Variants in ANKH observed in about 807,000 individuals in gnomAD.
ANKH encodes ANKH inorganic pyrophosphate transport regulator.
A neutral mutation model predicts 49.0 loss-of-function variants in ANKH; 15 were observed. The ratio of observed to expected loss-of-function variants is 0.31; its 90% confidence interval spans 0.20 to 0.47. The LOEUF is 0.47. ANKH is among the 20% of genes least tolerant of loss of function. The pLI is 1.00. For synonymous variants in ANKH, 273 were observed against 260.0 expected, an observed-to-expected ratio of 1.05 and a Z score of -0.48; for missense variants, 429 against 652.0, an observed-to-expected ratio of 0.66 and a Z score of 3.72.
chr5:14,808,226 C>T (rs1456535297), intron 1 of ANKH, among the ~76,000 whole-genome samples: 1 of 151,898 alleles, frequency 6.6e-6, no homozygotes, highest in Non-Finnish European at 1.5e-5. Context: ...AGCATATTTT[C>T]TTCCAGCATT....
At chr5:14,751,512 T>C (rs957071137) in intron 4 of ANKH, among the ~76,000 whole-genome samples, 43 of 152,218 alleles carry the variant, frequency 2.8e-4, no homozygotes, top group African/African-American at 9.9e-4. Context: ...AGGCATCTTT[T>C]TTAAGGTTAT....
At chr5:14,842,761 C>G (rs1741849674) in intron 1 of ANKH, among the ~76,000 whole-genome samples, 3 of 152,192 alleles carry the variant, frequency 2.0e-5, no homozygotes, top group Admixed American at 2.0e-4. Flanking sequence ...GAACGACACA[C>G]TGAAGTGTCT....
chr5:14,823,622 T>C (rs1264031825), intron 1 of ANKH, among the ~76,000 whole-genome samples: 1 of 152,174 alleles, frequency 6.6e-6, no homozygotes. Context: ...TGAGAAGTCA[T>C]TTCCACATTT....
intron 8 of ANKH, among the ~76,000 whole-genome samples, chr5:14,738,711 C>A (rs897231011): frequency 1.1e-4 from 16 of 151,554 alleles, no homozygotes; most frequent in Admixed American, 2.6e-4. Flanking sequence ...TCGACATCAG[C>A]CTGAGCAACA....
chr5:14,856,031 A>G (rs185001456), intron 1 of ANKH, among the ~76,000 whole-genome samples: 313 of 151,902 alleles, frequency 2.1e-3, no homozygotes, highest in Non-Finnish European at 3.6e-3. Context: ...AAGCATAAAA[A>G]CAGGCAGGGT....
chr5:14,784,221 C>T (rs1484133965), intron 1 of ANKH, among the ~76,000 whole-genome samples: 1 of 152,196 alleles, frequency 6.6e-6, no homozygotes, highest in Admixed American at 6.5e-5. Flanking sequence ...TATCTAACAA[C>T]ATAATAGGGT....
chr5:14,827,408 G>T (rs903891047), intron 1 of ANKH, among the ~76,000 whole-genome samples: 1 of 152,202 alleles, frequency 6.6e-6, no homozygotes, highest in African/African-American at 2.4e-5. Flanking sequence ...GCCAGCCCTA[G>T]AGTCCATATT....
At position 14,807,117 on chromosome 5, in the gene ANKH, T is replaced by C. The variant is rs572786211; in HGVS notation, c.97-37926A>G. Among the ~76,000 whole-genome samples the C allele has an allele frequency of 6.9e-4, 104 of 149,654 alleles. 2 individuals carry two copies. The South Asian group carries it at 0.01, about 15-fold the overall frequency. On this transcript the variant is annotated intron_variant, in intron 1 of 11. Coordinates refer to ENST00000284268, the MANE Select transcript of ANKH (RefSeq NM_054027.6). The stretch of plus-strand genomic sequence containing the variant: ...GTGTGGTCTGCCATGATATTTCTTT[T>C]TTTTTTTTTTTTTTTGAGGTAGGGC...
chr5:14,776,966 C>T (rs960820082), intron 1 of ANKH, among the ~76,000 whole-genome samples: 5 of 152,184 alleles, frequency 3.3e-5, no homozygotes, highest in Non-Finnish European at 7.3e-5. Context: ...GGGCACTTAG[C>T]GATGTGGAAT....
At chr5:14,739,229 C>T (rs891756901) in intron 8 of ANKH, among the ~76,000 whole-genome samples, 2 of 152,190 alleles carry the variant, frequency 1.3e-5, no homozygotes, top group Admixed American at 6.5e-5. Context: ...CCAGCCTGGC[C>T]GATATAGTGA....
At chr5:14,851,492 T>C (rs980012980) in intron 1 of ANKH, among the ~76,000 whole-genome samples, 2 of 152,230 alleles carry the variant, frequency 1.3e-5, no homozygotes, top group Admixed American at 6.5e-5. Context: ...TTGCATTTAA[T>C]GAAAATATAT....
intron 1 of ANKH, among the ~76,000 whole-genome samples, chr5:14,853,451 C>T (rs1036076761): frequency 6.6e-6 from 1 of 152,076 alleles, no homozygotes; most frequent in Admixed American, 6.6e-5. Context: ...GCAGCATGCA[C>T]CTATGGTCAC....
intron 1 of ANKH, among the ~76,000 whole-genome samples, chr5:14,844,042 C>G (rs1741889930): frequency 6.6e-6 from 1 of 152,168 alleles, no homozygotes. Context: ...GACCTGGAGT[C>G]AAGTTCCCAT....
At chr5:14,749,149 C>T (rs764770972) in intron 6 of ANKH, 23 bp downstream of exon 6, 1 of 1,613,936 alleles carries the variant, frequency 6.2e-7, no homozygotes, top group East Asian at 2.2e-5. Context: ...TCATAAGCCC[C>T]ACATCCCCAA....
chr5:14,715,764 A>G (rs944637923), intron 9 of ANKH, among the ~76,000 whole-genome samples: 5 of 152,248 alleles, frequency 3.3e-5, no homozygotes, highest in Non-Finnish European at 7.3e-5. Context: ...CTAATCAACC[A>G]TTCTGCAACC....
chr5:14,870,405 G>C (rs1304485149), intron 1 of ANKH: 2 of 152,148 alleles, frequency 1.3e-5, no homozygotes, highest in Non-Finnish European at 2.9e-5. Flanking sequence ...GCATATTCTA[G>C]ATAAATATCC....
intron 1 of ANKH, chr5:14,798,413 AG>A (rs1740458236): frequency 6.4e-7 from 1 of 1,552,388 alleles, no homozygotes; most frequent in Non-Finnish European, 8.8e-7. Context: ...CGGGCAGGCG[AG>A]CCGGGGGAAT....
chr5:14,751,079 G>A lies in ANKH; in HGVS notation c.677C>T (p.Pro226Leu), dbSNP rs148526515. Residue 226 changes from proline (P) to leucine (L), a missense_variant, in exon 5 of 12, where the codon CCG (proline) becomes CTG (leucine). This residue lies in a region of ANKH where 378 missense variants were observed against 615.3 expected (regional missense o/e 0.61). Coordinates refer to ENST00000284268, the MANE Select transcript of ANKH (RefSeq NM_054027.6). ...GGTTGGTAGACGTACCCCCAGCTCC[G>A]GGCCACTTCTGTCAGGGATGATGTC... ...IHDIIPDRSG[P>L]ELGGDATIRK... 1.2e-4 allele frequency: 200 copies of A among 1,614,050 alleles called. No individual in the cohort carries two copies. The highest frequency in any genetic ancestry group is 8.7e-4 in the Admixed American group (52 of 60,012).
At chr5:14,753,739 A>G (rs1032837877) in intron 4 of ANKH, among the ~76,000 whole-genome samples, 2 of 137,670 alleles carry the variant, frequency 1.5e-5, no homozygotes, top group African/African-American at 6.5e-5. Context: ...GCATGGTTGC[A>G]ACAAACCAAG....
Sources: allele counts gnomAD v4.1 joint callset (sites outside exome capture counted in the v4.1 genomes callset), GRCh38; gene constraint gnomAD v4.1.1; regional missense constraint gnomAD v4.1.1; transcripts MANE v1.5; gene names NCBI Gene and HGNC (gene_info 2026-07-23, HGNC 2026-07-21).